Variants in PPP2R2C observed in about 807,000 individuals in gnomAD.
PPP2R2C encodes the protein protein phosphatase 2, regulatory subunit B, gamma.
Under a neutral mutation model 45.3 loss-of-function variants are expected in PPP2R2C, and 10 were observed. That is an observed-to-expected ratio of 0.22 (90% CI 0.14 to 0.37). The LOEUF is 0.37. Among genes scored for constraint, PPP2R2C ranks in the 10% least tolerant of loss-of-function variants. The pLI, the probability that PPP2R2C is intolerant of heterozygous loss-of-function variation, is 1.00. For missense variants in PPP2R2C, 308 were observed against 619.7 expected (o/e 0.50, Z 5.34); for synonymous variants, 257 against 245.4 (o/e 1.05, Z -0.44).
In PPP2R2C at chr4:6,539,657, C is replaced by G. The variant is rs189425314; in HGVS notation, c.-58-4280G>C. Among the ~76,000 whole-genome samples, 5 of 152,308 alleles carry G rather than the reference C, an allele frequency of 3.3e-5. No homozygotes were observed. In the East Asian group the frequency reaches 9.6e-4, roughly 29 times the overall value. ...AAGCCCAGACTACAGAAGCGCCTGC[C>G]GACCAGGCAGTGGTCAAGGGTGGCA... On this transcript the variant is annotated intron_variant, in intron 1 of 9. Coordinates refer to the PPP2R2C transcript ENST00000506140.
chr4:6,470,960 C>A (rs1337516530), intron 1 of PPP2R2C, among the ~76,000 whole-genome samples: 4 of 151,008 alleles, frequency 2.6e-5, no homozygotes, highest in African/African-American at 9.7e-5. Context: ...AGCCCGCCCG[C>A]GCCCGCGCTC....
At chr4:6,411,711 C>T (rs2109370039) in intron 1 of PPP2R2C, among the ~76,000 whole-genome samples, 1 of 152,228 alleles carries the variant, frequency 6.6e-6, no homozygotes, top group Admixed American at 6.5e-5. Context: ...CGCCACCACA[C>T]CTGGCTAATT....
At chr4:6,502,756 G>T (rs915013323) in intron 2 of PPP2R2C, among the ~76,000 whole-genome samples, 6 of 152,072 alleles carry the variant, frequency 3.9e-5, no homozygotes, top group African/African-American at 1.5e-4. Context: ...TCCAATGAGG[G>T]TCTATTTTCA....
chr4:6,349,504 G>T (rs1712333576), intron 5 of PPP2R2C: 2 of 985,224 alleles, frequency 2.0e-6, no homozygotes, highest in South Asian at 9.4e-5. Context: ...GGAAAATACT[G>T]ACTGAAACTC....
At chr4:6,429,092 CATG>C (rs1719482696) in intron 1 of PPP2R2C, among the ~76,000 whole-genome samples, 1 of 1,182 alleles carries the variant, frequency 8.5e-4, no homozygotes, top group Non-Finnish European at 2.4e-3. Context: ...TGTGTAGATA[CATG>C]CCATGTGTAG....
intron 1 of PPP2R2C, among the ~76,000 whole-genome samples, chr4:6,460,618 C>A (rs1450598077): frequency 6.6e-6 from 1 of 152,108 alleles, no homozygotes; most frequent in Non-Finnish European, 1.5e-5. Context: ...AACCATCTTT[C>A]AGTGAATAAA....
chr4:6,560,870 C>A (rs570124737), intron 1 of PPP2R2C, among the ~76,000 whole-genome samples: 1 of 152,250 alleles, frequency 6.6e-6, no homozygotes, highest in Non-Finnish European at 1.5e-5. Flanking sequence ...TGCCTCCTGC[C>A]ACCTCCCCAA....
At chr4:6,495,587 G>A (rs1391127782) in intron 2 of PPP2R2C, among the ~76,000 whole-genome samples, 1 of 152,212 alleles carries the variant, frequency 6.6e-6, no homozygotes, top group Non-Finnish European at 1.5e-5. Flanking sequence ...GATTCCAAGA[G>A]AAAGCAACAT....
rs139918613 is a variant in PPP2R2C, at chr4:6,343,403, T to C, written c.790+4443A>G. Among the ~76,000 whole-genome samples, 5 of 152,352 alleles carry C rather than the reference T, an allele frequency of 3.3e-5. No homozygotes were observed. The East Asian group carries it at 9.6e-4, about 29-fold the overall frequency. On this transcript the variant is annotated intron_variant, in intron 6 of 8. Transcript: ENST00000382599. The stretch of plus-strand genomic sequence containing the variant: ...TTCTAGAAAAATTTTAAATAAAATT[T>C]GCATAAATCAATAATCAAAAAAGAA...
In PPP2R2C at chr4:6,381,403, C is replaced by G. The variant is rs918389853; in HGVS notation, c.71-309G>C. The G allele has an allele frequency of 4.9e-6, 7 of 1,431,404 alleles. No homozygotes were observed. In the African/African-American group the frequency reaches 9.9e-5, roughly 20 times the overall value. The allele number at this position is 1,431,404 out of a possible 1,614,324, so 88.7% of individuals were successfully genotyped here. A position where few individuals can be genotyped will look rare whatever the true frequency, so the allele number is the denominator to read the frequency against. ...CACTCTATGGGACTCACGGTGGTATCTGAAGCCACCTGGATGTGGCCTCAT... is the reference window on the plus strand; with the variant it reads ...CACTCTATGGGACTCACGGTGGTATGTGAAGCCACCTGGATGTGGCCTCAT... On this transcript the variant is annotated intron_variant, in intron 1 of 8. Transcript: ENST00000382599.
chr4:6,480,955 A>G (rs1012648268), intron 2 of PPP2R2C, among the ~76,000 whole-genome samples: 1 of 152,176 alleles, frequency 6.6e-6, no homozygotes, highest in Non-Finnish European at 1.5e-5. Flanking sequence ...TCTTCGATGA[A>G]TCGCCTGTCT....
intron 1 of PPP2R2C, among the ~76,000 whole-genome samples, chr4:6,422,887 T>C (rs1358426494): frequency 6.6e-6 from 1 of 152,308 alleles, no homozygotes; most frequent in East Asian, 1.9e-4. Flanking sequence ...ATGTCATGCT[T>C]ACTTGATTAG....
chr4:6,335,894 C>T (rs2109183318), intron 6 of PPP2R2C, among the ~76,000 whole-genome samples: 1 of 152,258 alleles, frequency 6.6e-6, no homozygotes, highest in South Asian at 2.1e-4. Context: ...ACACCTGTCT[C>T]TGAAGCAGAC....
intron 1 of PPP2R2C, among the ~76,000 whole-genome samples, chr4:6,428,623 G>A (rs1444884162): frequency 6.6e-6 from 1 of 152,242 alleles, no homozygotes; most frequent in African/African-American, 2.4e-5. Context: ...AGCCCTGGAG[G>A]GTTGACTCGT....
At chr4:6,438,676 C>A (rs1203927702) in intron 1 of PPP2R2C, among the ~76,000 whole-genome samples, 1 of 152,200 alleles carries the variant, frequency 6.6e-6, no homozygotes, top group African/African-American at 2.4e-5. Context: ...TCATCTGTCC[C>A]AACCCCATTC....
chr4:6,349,442 T>A, intron 5 of PPP2R2C: 1 of 982,660 alleles, frequency 1.0e-6, no homozygotes, highest in African/African-American at 1.7e-5. Flanking sequence ...CACTGCCTGA[T>A]GCGTTGCAGA....
intron 2 of PPP2R2C, among the ~76,000 whole-genome samples, chr4:6,491,615 G>A (rs1257985065): frequency 6.6e-6 from 1 of 152,224 alleles, no homozygotes; most frequent in African/African-American, 2.4e-5. Flanking sequence ...CAAGTCTCAT[G>A]TCAAATTGCA....
At chr4:6,374,193 C>T (rs1715114915) in intron 4 of PPP2R2C, among the ~76,000 whole-genome samples, 1 of 152,142 alleles carries the variant, frequency 6.6e-6, no homozygotes, top group Non-Finnish European at 1.5e-5. Flanking sequence ...AAGGGCAGAG[C>T]ATCACTGGCC....
chr4:6,348,501 G>A (rs982250973), intron 5 of PPP2R2C, among the ~76,000 whole-genome samples: 7 of 152,082 alleles, frequency 4.6e-5, no homozygotes, highest in African/African-American at 1.7e-4. Flanking sequence ...TGGGCATCTG[G>A]GAGCTCCCCT....
Sources: gnomAD v4.1 joint callset for allele counts (sites outside exome capture counted in the v4.1 genomes callset) on GRCh38, gnomAD v4.1.1 for gene constraint, MANE v1.5 for transcripts, NCBI Gene and HGNC (gene_info 2026-07-23, HGNC 2026-07-21) for gene names.